AGMO: variants seen among roughly 807,000 people sequenced by gnomAD.
AGMO encodes alkylglycerol monooxygenase.
AGMO carries 75 observed loss-of-function variants against 60.2 expected under a neutral mutation model. That is an observed-to-expected ratio of 1.25 (90% CI 1.03 to 1.51). The LOEUF (loss-of-function observed/expected upper bound fraction) is 1.51, where lower values mean the gene tolerates loss of function less well. AGMO is among the 40% of genes most tolerant of loss of function. AGMO has a pLI of 0.00. For synonymous variants in AGMO, 261 were observed against 177.1 expected (o/e 1.47, Z -3.76); for missense variants, 763 against 525.5 (o/e 1.45, Z -4.42).
intron 12 of AGMO, among the ~76,000 whole-genome samples, chr7:15,339,169 A>T (rs1160139886): frequency 6.6e-6 from 1 of 152,182 alleles, no homozygotes; most frequent in South Asian, 2.1e-4. Flanking sequence ...GAGATGGGAG[A>T]AAGAGGGAGA....
chr7:15,373,493 G>A (rs904740561), intron 10 of AGMO, among the ~76,000 whole-genome samples: 4 of 152,084 alleles, frequency 2.6e-5, no homozygotes, highest in African/African-American at 7.2e-5. Context: ...CAATGAATGT[G>A]TGGGAATTCT....
At chr7:15,230,014 T>G (rs958686181) in intron 12 of AGMO, among the ~76,000 whole-genome samples, 1 of 151,686 alleles carries the variant, frequency 6.6e-6, no homozygotes, top group Non-Finnish European at 1.5e-5. Context: ...AAATTATAAT[T>G]TATACAATTT....
the AGMO span, among the ~76,000 whole-genome samples, chr7:15,191,162 TTAAA>T: frequency 1.3e-5 from 2 of 152,138 alleles, no homozygotes; most frequent in African/African-American, 2.4e-5. Context: ...AATTTCTATT[TTAAA>T]TAAATAGAAA....
chr7:15,210,345 A>G (rs953939395), intron 12 of AGMO, among the ~76,000 whole-genome samples: 1 of 152,174 alleles, frequency 6.6e-6, no homozygotes, highest in Non-Finnish European at 1.5e-5. Context: ...TAAGTATATC[A>G]ATGAAATAGT....
chr7:15,278,505 G>A (rs535113565), intron 12 of AGMO, among the ~76,000 whole-genome samples: 1 of 152,130 alleles, frequency 6.6e-6, no homozygotes, highest in African/African-American at 2.4e-5. Context: ...TGATAGGGAT[G>A]GGTGACTGGC....
intron 12 of AGMO, among the ~76,000 whole-genome samples, chr7:15,339,512 G>T (rs1781765816): frequency 6.6e-6 from 1 of 152,150 alleles, no homozygotes. Flanking sequence ...TATGTCAGAA[G>T]AGTCTGCTCC....
At chr7:15,328,825 G>C (rs190918923) in intron 12 of AGMO, among the ~76,000 whole-genome samples, 18 of 152,102 alleles carry the variant, frequency 1.2e-4, no homozygotes, top group Admixed American at 1.2e-3. Flanking sequence ...ACCTCTCTGA[G>C]GCATTTCCTT....
the AGMO span, among the ~76,000 whole-genome samples, chr7:15,157,604 G>C: frequency 1.3e-5 from 2 of 152,154 alleles, no homozygotes; most frequent in East Asian, 1.9e-4. Context: ...CAACAGCCTT[G>C]AAGAGACTTA....
chr7:15,225,068 TTTC>T (rs1482441991), intron 12 of AGMO, among the ~76,000 whole-genome samples: 2 of 152,002 alleles, frequency 1.3e-5, no homozygotes, highest in Non-Finnish European at 2.9e-5. Context: ...CAGTCTTTTT[TTTC>T]TTTTTTCTTT....
intron 3 of AGMO, among the ~76,000 whole-genome samples, chr7:15,484,083 T>C (rs186777647): frequency 1.3e-3 from 196 of 152,216 alleles, no homozygotes; most frequent in African/African-American, 4.3e-3. Context: ...TACATATAGT[T>C]CTAATATACG....
At chr7:15,485,401 A>G (rs940626558) in intron 3 of AGMO, among the ~76,000 whole-genome samples, 1 of 152,104 alleles carries the variant, frequency 6.6e-6, no homozygotes, top group Non-Finnish European at 1.5e-5. Context: ...TACAAAAGTG[A>G]TTGTCAACAA....
chr7:15,215,380 C>T (rs572191479), intron 12 of AGMO, among the ~76,000 whole-genome samples: 24 of 151,196 alleles, frequency 1.6e-4, no homozygotes, highest in African/African-American at 5.1e-4. Context: ...TTTTTCTTTA[C>T]TGTGATGAAG....
chr7:15,309,590 G>C (rs1042246330), intron 12 of AGMO, among the ~76,000 whole-genome samples: 1 of 152,062 alleles, frequency 6.6e-6, no homozygotes, highest in Non-Finnish European at 1.5e-5. Context: ...CAAAATGTTA[G>C]AAAAGACAGG....
intron 12 of AGMO, among the ~76,000 whole-genome samples, chr7:15,324,954 G>A (rs895204002): frequency 1.3e-5 from 2 of 151,982 alleles, no homozygotes; most frequent in African/African-American, 4.8e-5. Context: ...CCCAGCTCTA[G>A]TGAATCTCTG....
intron 12 of AGMO, among the ~76,000 whole-genome samples, chr7:15,279,946 C>G (rs116368936): frequency 0.014 from 2,109 of 152,310 alleles, 46 homozygotes; most frequent in African/African-American, 0.049. Flanking sequence ...ATTCCTGATC[C>G]TGCCTCACAG....
the AGMO span, among the ~76,000 whole-genome samples, chr7:15,177,240 TA>T: frequency 1.3e-5 from 2 of 152,056 alleles, no homozygotes; most frequent in Non-Finnish European, 2.9e-5. Context: ...CAAAAATTTT[TA>T]AAAATGAAAA....
chr7:15,482,454 T>C (rs1782784373), intron 3 of AGMO, among the ~76,000 whole-genome samples: 3 of 152,092 alleles, frequency 2.0e-5, no homozygotes, highest in Non-Finnish European at 2.9e-5. Flanking sequence ...AAGGAAATAA[T>C]AATTAGAAAA....
chr7:15,517,735 C>T (rs188422742), intron 3 of AGMO, among the ~76,000 whole-genome samples: 75 of 152,092 alleles, frequency 4.9e-4, no homozygotes, highest in Middle Eastern at 3.4e-3. Flanking sequence ...CAAAATTGGG[C>T]GGCAGTTTGG....
intron 12 of AGMO, among the ~76,000 whole-genome samples, chr7:15,363,763 G>C (rs1016509781): frequency 1.3e-5 from 2 of 152,028 alleles, no homozygotes; most frequent in Non-Finnish European, 2.9e-5. Flanking sequence ...TTACAACACT[G>C]GCTAATGTAA....
Sources: gnomAD v4.1 joint callset for allele counts (sites outside exome capture counted in the v4.1 genomes callset) on GRCh38, gnomAD v4.1.1 for gene constraint, MANE v1.5 for transcripts, NCBI Gene and HGNC (gene_info 2026-07-23, HGNC 2026-07-21) for gene names.